The following DUOXA1 variants were observed in gnomAD, a reference collection of about 807,000 sequenced individuals.
DUOXA1 encodes dual oxidase maturation factor 1, also known as dual oxidase activator 1.
A neutral mutation model predicts 26.6 loss-of-function variants in DUOXA1; 19 were observed. The ratio of observed to expected loss-of-function variants is 0.71; its 90% CI spans 0.50 to 1.05. The LOEUF (loss-of-function observed/expected upper bound fraction) is 1.05, where lower values mean the gene tolerates loss of function less well. DUOXA1 is among the 50% of genes least tolerant of loss of function. The pLI, the probability that DUOXA1 is intolerant of heterozygous loss-of-function variation, is 0.00. For missense variants in DUOXA1, 403 were observed against 427.5 expected (o/e 0.94, Z 0.51); for synonymous variants, 166 against 177.0 (o/e 0.94, Z 0.49).
In DUOXA1 at chr15:45,120,236, C is replaced by T. The variant is rs768214542; in HGVS notation, c.639G>A (p.Thr213=). ...LVYGGYMLLA[T]GIFQLLALLF... The stretch of plus-strand genomic sequence containing the variant: ...GCAGAGCCAACAGCTGGAAGATGCC[C>T]GTGGCCAATAGCATGTAGCCACCAT... The change falls in exon 8 of 9, where the codon ACG becomes ACA. Residue 213 remains threonine (T), a synonymous_variant. Coordinates refer to ENST00000560572, the MANE Select transcript of DUOXA1 (RefSeq NM_001276266.2). The T allele has an allele frequency of 2.1e-5, 34 of 1,613,968 alleles. No homozygotes were observed. The highest frequency in any genetic ancestry group is 1.5e-4 in the South Asian group (14 of 91,080).
intron 3 of DUOXA1, among the ~76,000 whole-genome samples, chr15:45,126,652 A>G (rs2141222602): frequency 6.6e-6 from 1 of 150,552 alleles, no homozygotes; most frequent in East Asian, 1.9e-4. Context: ...CCATCTTTGC[A>G]TCCCCTGGAT....
intron 5 of DUOXA1, 52 bp from the exon 6 acceptor site, chr15:45,121,273 T>C: frequency 6.2e-7 from 1 of 1,612,832 alleles, no homozygotes. Context: ...TGGGCATTAC[T>C]AGGTTAGAGT....
intron 3 of DUOXA1, among the ~76,000 whole-genome samples, chr15:45,128,284 G>A (rs1361208300): frequency 7.9e-5 from 12 of 152,172 alleles, no homozygotes; most frequent in South Asian, 2.1e-4. Flanking sequence ...ACGTCTTGTG[G>A]CCTCTCTTGT....
Position 45,119,299 on chromosome 15 carries a change from T to C in DUOXA1, c.839A>G (p.Lys280Arg), listed in dbSNP as rs371948395. Reference sequence around the variant, plus strand: ...ATCCACACTCTGGTTGAAGAAAGCCTTCAGCCTGTGAGGCTGCATCCTGTG... The same window carrying C: ...ATCCACACTCTGGTTGAAGAAAGCCCTCAGCCTGTGAGGCTGCATCCTGTG... The part of the protein sequence containing the change: ...VAHRMQPHRL[K>R]AFFNQSVDED... The change falls in exon 9 of 9, where the codon AAG becomes AGG. Residue 280 changes from lysine (K) to arginine (R), a missense_variant. Physicochemically the swap from Lys to Arg is conservative, Grantham distance 26. Coordinates refer to ENST00000560572, the MANE Select transcript of DUOXA1 (RefSeq NM_001276266.2). 6.2e-7 allele frequency: 1 copy of C among 1,613,976 alleles called. No homozygotes were observed. Among genetic ancestry groups the C allele is most frequent in the African/African-American group, 1.3e-5 (1 of 74,922 alleles).
rs975350744 is a variant in DUOXA1 at position 45,119,061 on chromosome 15, T to G, written c.*45A>C. On this transcript the variant is annotated 3_prime_UTR_variant, in exon 9 of 9. Coordinates refer to ENST00000560572, the MANE Select transcript of DUOXA1 (RefSeq NM_001276266.2). Reference sequence around the variant, plus strand: ...TGGTTTTATGGGGCGCCAATGAGGTTTGGAGCCAGACTGGAAGTCCAGGTG... The same window carrying G: ...TGGTTTTATGGGGCGCCAATGAGGTGTGGAGCCAGACTGGAAGTCCAGGTG... 1 of 1,538,498 alleles carries G rather than the reference T, an allele frequency of 6.5e-7. No homozygotes were observed. Among genetic ancestry groups the G allele is most frequent in the East Asian group, 2.3e-5 (1 of 43,870 alleles).
intron 4 of DUOXA1, 117 bp from the exon 5 acceptor site, chr15:45,122,359 G>T: frequency 1.0e-6 from 1 of 959,262 alleles, no homozygotes; most frequent in Non-Finnish European, 1.6e-6. Context: ...TTGGTCAATT[G>T]AAATCAGAGT....
In DUOXA1 at chr15:45,117,833, C is replaced by CA; in HGVS notation, c.*1272dup. The CA allele has an allele frequency of 1.9e-6, 3 of 1,613,840 alleles. No homozygotes were observed. Among genetic ancestry groups the CA allele is most frequent in the Non-Finnish European group, 2.5e-6 (3 of 1,180,046 alleles). ...GACTGCAGCCAGGAGAGAGGGGGCTCACCTCTTATCCTCGGCGACCCACTG... is the reference window on the plus strand; with the variant it reads ...GACTGCAGCCAGGAGAGAGGGGGCTCAACCTCTTATCCTCGGCGACCCACTG... On this transcript the variant is annotated 3_prime_UTR_variant, in exon 9 of 9. Transcript: ENST00000560572.
At chr15:45,127,901 TA>T (rs1218531758) in intron 3 of DUOXA1, among the ~76,000 whole-genome samples, 1 of 152,188 alleles carries the variant, frequency 6.6e-6, no homozygotes, top group Non-Finnish European at 1.5e-5. Flanking sequence ...CAAATTTAGA[TA>T]AACAGAGACA....
rs1420927311 is a variant in DUOXA1, at chr15:45,118,222, T to C, written c.*884A>G. Reference sequence around the variant, plus strand: ...TCCGCAGTGCTGTGAAACCTGATTCTCTGCGTCGACTCCAGAGTAATAGGG... The same window carrying C: ...TCCGCAGTGCTGTGAAACCTGATTCCCTGCGTCGACTCCAGAGTAATAGGG... On this transcript the variant is annotated 3_prime_UTR_variant, in exon 9 of 9. Transcript: ENST00000560572. 7.1e-7 allele frequency: 1 copy of C among 1,412,048 alleles called. No individual in the cohort carries two copies. The highest frequency in any genetic ancestry group is 9.2e-7 in the Non-Finnish European group (1 of 1,089,900). The allele number at this position is 1,412,048 out of a possible 1,614,324, so 87.5% of individuals were successfully genotyped here. A position where few individuals can be genotyped will look rare whatever the true frequency, so the allele number is the denominator to read the frequency against.
chr15:45,119,277 C>T lies in DUOXA1; in HGVS notation c.861G>A (p.Val287=), dbSNP rs759131675. The T allele has an allele frequency of 6.2e-7, 1 of 1,614,056 alleles. No homozygotes were observed. Among genetic ancestry groups the T allele is most frequent in the Non-Finnish European group, 8.5e-7 (1 of 1,180,038 alleles). Residue 287 remains valine, a synonymous_variant, in exon 9 of 9, where the codon GTG becomes GTA. Transcript: ENST00000560572. The part of the protein sequence containing the change: ...HRLKAFFNQS[V]DEDPMLEWSP... ...TCCACTCCAGCATGGGGTCTTCATC[C>T]ACACTCTGGTTGAAGAAAGCCTTCA...
chr15:45,128,519 G>T (rs530449625), intron 3 of DUOXA1, among the ~76,000 whole-genome samples: 2 of 152,200 alleles, frequency 1.3e-5, no homozygotes, highest in African/African-American at 4.8e-5. Context: ...TAGCTAAGGG[G>T]ACCCTGTCAG....
At chr15:45,120,345 ACTGGCCCAGGTACTTCTAC>A in intron 7 of DUOXA1, 25 bp from the exon 8 acceptor site, 1 of 1,612,744 alleles carries the variant, frequency 6.2e-7, no homozygotes, top group Non-Finnish European at 8.5e-7. Flanking sequence ...CCCAGTGAGG[ACTGGCCCAGGTACTTCTAC>A]CTGCTGGTGA....
At chr15:45,124,458 TA>T (rs1895508804) in intron 3 of DUOXA1, among the ~76,000 whole-genome samples, 1 of 152,150 alleles carries the variant, frequency 6.6e-6, no homozygotes, top group Admixed American at 6.5e-5. Context: ...TTTAAGTAAA[TA>T]AAAAATGGAG....
At position 45,121,361 on chromosome 15, in the gene DUOXA1, T is replaced by A. The variant is rs1413007133; in HGVS notation, c.206-140A>T. 22 of 1,269,848 alleles carry A rather than the reference T, an allele frequency of 1.7e-5. 1 individual carries two copies. Among genetic ancestry groups the A allele is most frequent in the Non-Finnish European group, 2.4e-5 (22 of 921,048 alleles). 78.7% of individuals were successfully genotyped at this position (1,269,848 alleles called of 1,614,324 possible). On this transcript the variant is annotated intron_variant, in intron 5 of 8. Transcript: ENST00000560572. Reference sequence around the variant, plus strand: ...CGTTAACTAGCCAGGGTCTGGCTCATGGTAAGTCTGCCAACCACATGTGTG... The same window carrying A: ...CGTTAACTAGCCAGGGTCTGGCTCAAGGTAAGTCTGCCAACCACATGTGTG...
In DUOXA1 at chr15:45,117,940, T is replaced by C. The variant is rs753506009; in HGVS notation, c.*1166A>G. 6.2e-7 allele frequency: 1 copy of C among 1,613,110 alleles called. No individual in the cohort carries two copies. The highest frequency in any genetic ancestry group is 8.5e-7 in the Non-Finnish European group (1 of 1,179,942). On this transcript the variant is annotated 3_prime_UTR_variant, in exon 9 of 9. Coordinates refer to ENST00000560572, the MANE Select transcript of DUOXA1 (RefSeq NM_001276266.2). The stretch of plus-strand genomic sequence containing the variant: ...ACCCAATCTGGACTCCTTCCCCGCC[T>C]TGGGACATCGCAGGCCGGGAAGCAG...
At position 45,119,046 on chromosome 15, in the gene DUOXA1, G is replaced by T; in HGVS notation, c.*60C>A. On this transcript the variant is annotated 3_prime_UTR_variant, in exon 9 of 9. Coordinates refer to ENST00000560572, the MANE Select transcript of DUOXA1 (RefSeq NM_001276266.2). ...TGAGGGCAGTTCTGCTGGTTTTATG[G>T]GGCGCCAATGAGGTTTGGAGCCAGA... 6.6e-7 allele frequency: 1 copy of T among 1,519,512 alleles called. No homozygotes were observed. Among genetic ancestry groups the T allele is most frequent in the South Asian group, 1.3e-5 (1 of 76,470 alleles). 94.1% of individuals were successfully genotyped at this position (1,519,512 alleles called of 1,614,324 possible). A position where few individuals can be genotyped will look rare whatever the true frequency, so the allele number is the denominator to read the frequency against.
intron 8 of DUOXA1, among the ~76,000 whole-genome samples, chr15:45,119,826 G>C (rs929495980): frequency 6.6e-6 from 1 of 152,036 alleles, no homozygotes; most frequent in African/African-American, 2.4e-5. Context: ...AGAGGGGACA[G>C]GGGGTTGGAA....
rs148529632 is a variant in DUOXA1 at position 45,117,597 on chromosome 15, T to C, written c.*1509A>G. The C allele has an allele frequency of 1.9e-6, 3 of 1,612,892 alleles. No individual in the cohort carries two copies. Among genetic ancestry groups the C allele is most frequent in the Non-Finnish European group, 2.5e-6 (3 of 1,179,504 alleles). ...GAAGGCCCGGGCATCACGCCTGTAA[T>C]CCCAGCACTTTGGGAGGTCGAGGCA... On this transcript the variant is annotated 3_prime_UTR_variant, in exon 9 of 9. Transcript: ENST00000560572.
rs778467341 is a variant in DUOXA1 at position 45,122,876 on chromosome 15, C to T, written c.139G>A (p.Gly47Arg). The part of the protein sequence containing the change: ...TFIVILPGIR[G>R]KTRLFWLLRV... Reference sequence around the variant, plus strand: ...AGGACTGGGTTTCTCACCGTCTTTCCCCGAATGCCAGGCAGGATGACGATG... The same window carrying T: ...AGGACTGGGTTTCTCACCGTCTTTCTCCGAATGCCAGGCAGGATGACGATG... Residue 47 changes from glycine (G) to arginine (R), a missense_variant, in exon 4 of 9, where the codon GGA (glycine) becomes AGA (arginine). By Grantham distance (125) the Gly-to-Arg change is moderately radical. Transcript: ENST00000560572. 1.3e-5 allele frequency: 21 copies of T among 1,608,628 alleles called. No individual in the cohort carries two copies. Among genetic ancestry groups the T allele is most frequent in the Admixed American group, 5.0e-5 (3 of 59,648 alleles).
Sources: gnomAD v4.1 joint callset for allele counts (sites outside exome capture counted in the v4.1 genomes callset) on GRCh38, gnomAD v4.1.1 for gene constraint, MANE v1.5 for transcripts, NCBI Gene and HGNC (gene_info 2026-07-23, HGNC 2026-07-21) for gene names.